The following SRGAP2 variants were observed in gnomAD, a reference collection of about 807,000 sequenced individuals.
SRGAP2 encodes SLIT-ROBO Rho GTPase-activating protein 2.
A neutral mutation model predicts 57.2 loss-of-function variants in SRGAP2; 15 were observed. That is an observed-to-expected ratio of 0.26 (90% confidence interval 0.18 to 0.40). The LOEUF (loss-of-function observed/expected upper bound fraction) is 0.40. Among genes scored for constraint, SRGAP2 ranks in the 10% least tolerant of loss-of-function variants. The probability of loss-of-function intolerance (pLI) is 1.00; values close to 1 mark genes in which losing one functional copy is unlikely to be tolerated. For missense variants in SRGAP2, 520 were observed against 669.6 expected (o/e 0.78, Z 2.47); for synonymous variants, 249 against 248.0 (o/e 1.00, Z -0.04).
chr1:206,306,701 C>T (rs1470051832), intron 3 of SRGAP2, among the ~76,000 whole-genome samples: 1 of 152,146 alleles, frequency 6.6e-6, no homozygotes, highest in Admixed American at 6.5e-5. Context: ...TACAAAGGTT[C>T]TCCACCTCCC....
At chr1:206,372,974 T>TG (rs1491471968) in intron 4 of SRGAP2, among the ~76,000 whole-genome samples, 1 of 53,272 alleles carries the variant, frequency 1.9e-5, no homozygotes, top group African/African-American at 8.8e-5. Context: ...CCTTTCTTTC[T>TG]TTCTTTCTTT....
Position 206,463,184 on chromosome 1 carries a change from G to C in SRGAP2, c.*1764G>C, listed in dbSNP as rs1371236534. 6.6e-6 allele frequency: 1 copy of C among 152,318 alleles called. No homozygotes were observed. The highest frequency in any genetic ancestry group is 1.5e-5 in the Non-Finnish European group (1 of 67,996). 9.4% of individuals were successfully genotyped at this position (152,318 alleles called of 1,614,324 possible). On this transcript the variant is annotated 3_prime_UTR_variant, in exon 23 of 23. Transcript: ENST00000573034. ...TTTAATCCTGTGCAAAGGAAAAGAGGTGCTTTGTGGGAAATCACTAATGAG... is the reference window on the plus strand; with the variant it reads ...TTTAATCCTGTGCAAAGGAAAAGAGCTGCTTTGTGGGAAATCACTAATGAG...
intron 2 of SRGAP2, among the ~76,000 whole-genome samples, chr1:206,213,764 C>T (rs1201734199): frequency 2.0e-5 from 3 of 151,950 alleles, no homozygotes; most frequent in African/African-American, 7.3e-5. Context: ...TACAAAAATA[C>T]AAAAATTAGC....
At position 206,454,571 on chromosome 1, in the gene SRGAP2, C is replaced by T; in HGVS notation, c.2361-307C>T. On this transcript the variant is annotated intron_variant, in intron 20 of 22. Transcript: ENST00000573034. This position sits in a 1 kb window ranked among gnomAD's most constrained non-coding sequence, Gnocchi z 4.3. Reference sequence around the variant, plus strand: ...CTCCAGGAGGCCGCCCCAGCACGGCCTCCCCAGGAAGCAGCATGGGGTAGA... The same window carrying T: ...CTCCAGGAGGCCGCCCCAGCACGGCTTCCCCAGGAAGCAGCATGGGGTAGA... The T allele has an allele frequency of 2.4e-6, 1 of 416,660 alleles. No homozygotes were observed. Among genetic ancestry groups the T allele is most frequent in the Non-Finnish European group, 4.3e-6 (1 of 235,168 alleles). 25.8% of individuals were successfully genotyped at this position (416,660 alleles called of 1,614,324 possible).
intron 3 of SRGAP2, among the ~76,000 whole-genome samples, chr1:206,332,967 T>C (rs1371370275): frequency 1.3e-5 from 2 of 151,840 alleles, no homozygotes; most frequent in Non-Finnish European, 2.9e-5. Flanking sequence ...TTGATGATGG[T>C]GATGTACAGA....
intron 4 of SRGAP2, among the ~76,000 whole-genome samples, chr1:206,369,501 A>G (rs1181878721): frequency 6.6e-6 from 1 of 152,200 alleles, no homozygotes; most frequent in Non-Finnish European, 1.5e-5. Flanking sequence ...CAAATCATAT[A>G]TCTCATCAAG....
intron 17 of SRGAP2, among the ~76,000 whole-genome samples, chr1:206,442,668 G>A (rs552629651): frequency 8.0e-4 from 122 of 152,230 alleles, no homozygotes; most frequent in African/African-American, 2.8e-3. Context: ...TGATTGAAAC[G>A]AGATTGATTT....
intron 2 of SRGAP2, among the ~76,000 whole-genome samples, chr1:206,267,531 T>G (rs1553314892): frequency 6.6e-6 from 1 of 150,828 alleles, no homozygotes; most frequent in Non-Finnish European, 1.5e-5. Flanking sequence ...CTTGGAGAAG[T>G]CTTAAATTAT....
chr1:206,216,451 G>A (rs1371327192), intron 2 of SRGAP2, among the ~76,000 whole-genome samples: 13 of 151,022 alleles, frequency 8.6e-5, no homozygotes, highest in Non-Finnish European at 1.8e-4. Flanking sequence ...AAGTTTGTCT[G>A]TCTTGACCTG....
At chr1:206,339,925 G>A (rs1254295053) in intron 3 of SRGAP2, among the ~76,000 whole-genome samples, 6 of 144,026 alleles carry the variant, frequency 4.2e-5, no homozygotes, top group African/African-American at 1.6e-4. Context: ...AAGTAGCTGG[G>A]ATTACAGGTG....
chr1:206,383,658 T>C (rs1553347719), intron 4 of SRGAP2, among the ~76,000 whole-genome samples: 1 of 149,330 alleles, frequency 6.7e-6, no homozygotes, highest in Admixed American at 6.6e-5. Flanking sequence ...TCTTCTGGAA[T>C]GCTTGACTGC....
At chr1:206,259,603 C>G (rs1553313135) in intron 2 of SRGAP2, among the ~76,000 whole-genome samples, 1 of 148,298 alleles carries the variant, frequency 6.7e-6, no homozygotes, top group African/African-American at 2.5e-5. Context: ...TTCCAAAGTA[C>G]TGGGATTACA....
intron 2 of SRGAP2, among the ~76,000 whole-genome samples, chr1:206,286,743 G>A (rs1219120991): frequency 0.17 from 25,362 of 151,082 alleles, 2,912 homozygotes; most frequent in East Asian, 0.51. Context: ...AGCTAACCAC[G>A]TGACTGTGGG....
At position 206,268,082 on chromosome 1, in the gene SRGAP2, T is replaced by TATA. The variant is rs1491431949; in HGVS notation, c.68-35199_68-35198insATA. Among the ~76,000 whole-genome samples, 221 of 130,420 alleles carry TATA rather than the reference T, an allele frequency of 1.7e-3. 1 individual carries two copies. Among genetic ancestry groups the TATA allele is most frequent in the African/African-American group, 5.3e-3 (185 of 34,724 alleles). The allele number at this position is 130,420 out of a possible 152,430, so 85.6% of individuals were successfully genotyped here. A position where few individuals can be genotyped will look rare whatever the true frequency, so the allele number is the denominator to read the frequency against. On this transcript the variant is annotated intron_variant, in intron 2 of 22. Transcript: ENST00000573034. Reference sequence around the variant, plus strand: ...GATGAACATGGACTATATATATATATTTTTTTTTTTTTTTAAATTATACTT... The same window carrying TATA: ...GATGAACATGGACTATATATATATATATATTTTTTTTTTTTTTAAATTATACTT...
At chr1:206,339,927 T>A (rs1191225518) in intron 3 of SRGAP2, among the ~76,000 whole-genome samples, 2 of 143,496 alleles carry the variant, frequency 1.4e-5, no homozygotes, top group Non-Finnish European at 3.0e-5. Flanking sequence ...GTAGCTGGGA[T>A]TACAGGTGTG....
chr1:206,439,333 A>G (rs1185783398), intron 16 of SRGAP2, among the ~76,000 whole-genome samples: 1 of 152,080 alleles, frequency 6.6e-6, no homozygotes, highest in Non-Finnish European at 1.5e-5. Context: ...ATATCACTAC[A>G]TACCCAGGGG....
At chr1:206,389,473 G>A (rs1572026652) in intron 5 of SRGAP2, among the ~76,000 whole-genome samples, 1 of 151,974 alleles carries the variant, frequency 6.6e-6, no homozygotes, top group Non-Finnish European at 1.5e-5. Flanking sequence ...CGCCATGCCC[G>A]GCCTGTTCTC....
chr1:206,239,829 A>G (rs1668101019), intron 2 of SRGAP2, among the ~76,000 whole-genome samples: 1 of 151,532 alleles, frequency 6.6e-6, no homozygotes, highest in African/African-American at 2.4e-5. Context: ...GTTTTTCCAC[A>G]TGTCTGCAAC....
intron 11 of SRGAP2, among the ~76,000 whole-genome samples, chr1:206,418,922 G>GTGTGTGTGTGTGTGTGTGTGTGTT (rs1660030185): frequency 6.6e-6 from 1 of 151,658 alleles, no homozygotes; most frequent in South Asian, 2.1e-4. Context: ...GTGTGTGTGT[G>GTGTGTGTGTGTGTGTGTGTGTGTT]TGTGTGTGTG....
Sources: allele counts gnomAD v4.1 joint callset (sites outside exome capture counted in the v4.1 genomes callset), GRCh38; gene constraint gnomAD v4.1.1; non-coding constraint Gnocchi (gnomAD v3.1); transcripts MANE v1.5; gene names NCBI Gene and HGNC (gene_info 2026-07-23, HGNC 2026-07-21).